NKAIN2: variants seen among roughly 807,000 people sequenced by gnomAD.
The protein encoded by NKAIN2 is sodium/potassium-transporting ATPase subunit beta-1-interacting protein 2.
NKAIN2 carries 14 observed loss-of-function variants against 32.6 expected under a neutral mutation model. The ratio of observed to expected loss-of-function variants is 0.43; its 90% CI spans 0.28 to 0.67. The LOEUF is 0.67. Ranked by LOEUF, NKAIN2 falls within the 30% of genes least tolerant of loss-of-function variation. The probability of loss-of-function intolerance (pLI) is 0.17; values close to 1 mark genes in which losing one functional copy is unlikely to be tolerated. For missense variants in NKAIN2, 198 were observed against 258.3 expected (o/e 0.77, Z 1.60); for synonymous variants, 80 against 87.2 (o/e 0.92, Z 0.46).
chr6:124,415,987 G>A (rs1159789035), intron 3 of NKAIN2, among the ~76,000 whole-genome samples: 3 of 141,784 alleles, frequency 2.1e-5, no homozygotes, highest in Non-Finnish European at 3.0e-5. Flanking sequence ...AGTCCTGCAT[G>A]TCCCTGAGCC....
intron 4 of NKAIN2, among the ~76,000 whole-genome samples, chr6:124,760,559 T>G (rs1246826166): frequency 6.6e-6 from 1 of 151,994 alleles, no homozygotes; most frequent in East Asian, 1.9e-4. Context: ...GGGAACTCAG[T>G]GTAGATAAGT....
intron 1 of NKAIN2, among the ~76,000 whole-genome samples, chr6:124,178,612 T>C (rs548016705): frequency 6.6e-6 from 1 of 152,312 alleles, no homozygotes; most frequent in South Asian, 2.1e-4. Flanking sequence ...ACATTAACTT[T>C]TAATGATCAC....
At chr6:124,614,689 A>AC (rs549664321) in intron 3 of NKAIN2, among the ~76,000 whole-genome samples, 153 of 150,872 alleles carry the variant, frequency 1.0e-3, no homozygotes, top group African/African-American at 3.4e-3. Context: ...GGTCCCAAAG[A>AC]CCCCCCCAAT....
intron 3 of NKAIN2, among the ~76,000 whole-genome samples, chr6:124,415,087 T>G (rs62436320): frequency 0.045 from 6,779 of 152,278 alleles, 254 homozygotes; most frequent in Non-Finnish European, 0.065. Context: ...AAGTAATGCA[T>G]TCTGCAGCAG....
At chr6:124,332,164 T>A (rs1797686588) in intron 2 of NKAIN2, among the ~76,000 whole-genome samples, 1 of 152,156 alleles carries the variant, frequency 6.6e-6, no homozygotes, top group African/African-American at 2.4e-5. Context: ...CAACGAAGTA[T>A]GTTCTTGAAA....
intron 1 of NKAIN2, among the ~76,000 whole-genome samples, chr6:124,006,653 T>A (rs1351576857): frequency 6.6e-6 from 1 of 152,180 alleles, no homozygotes; most frequent in Non-Finnish European, 1.5e-5. Flanking sequence ...CTTCTAGTGC[T>A]CTTGTCTACT....
chr6:124,258,418 A>C (rs910529408), intron 1 of NKAIN2, among the ~76,000 whole-genome samples: 9 of 152,208 alleles, frequency 5.9e-5, no homozygotes, highest in Non-Finnish European at 2.9e-5. Context: ...TGAACCAAAA[A>C]ACCAAAGTTA....
At chr6:123,909,733 A>T (rs1262785172) in intron 1 of NKAIN2, among the ~76,000 whole-genome samples, 1 of 152,132 alleles carries the variant, frequency 6.6e-6, no homozygotes, top group Non-Finnish European at 1.5e-5. Flanking sequence ...TATGAACAGG[A>T]CTTTTATGAT....
chr6:124,299,796 G>A lies in NKAIN2; in HGVS notation c.192+16654G>A, dbSNP rs181767088. Among the ~76,000 whole-genome samples the A allele has an allele frequency of 1.5e-3, 233 of 152,278 alleles. 1 individual carries two copies. Among genetic ancestry groups the A allele is most frequent in the Admixed American group, 2.6e-3 (40 of 15,298 alleles). ...TAATTGTTCACTGAATGTTGCCTACGAAAATGTATGGAAATGTTCAATTTA... is the reference window on the plus strand; with the variant it reads ...TAATTGTTCACTGAATGTTGCCTACAAAAATGTATGGAAATGTTCAATTTA... On this transcript the variant is annotated intron_variant, in intron 2 of 6. Coordinates refer to ENST00000368417, the MANE Select transcript of NKAIN2 (RefSeq NM_001040214.3).
chr6:124,128,127 C>A (rs185277305), intron 1 of NKAIN2, among the ~76,000 whole-genome samples: 90 of 152,232 alleles, frequency 5.9e-4, no homozygotes, highest in African/African-American at 1.9e-3. Context: ...CCGTGCCTGG[C>A]CCATGGTTGC....
At position 124,040,693 on chromosome 6, in the gene NKAIN2, A is replaced by T. The variant is rs147648958; in HGVS notation, c.54+236439A>T. 1.2e-3 allele frequency among the ~76,000 whole-genome samples: 181 copies of T among 152,020 alleles called. 4 individuals carry two copies. The East Asian group carries it at 0.034, about 28-fold the overall frequency. ...ATGATATAGGTGTTTTCAGGTAAGA[A>T]CTCTGGGACTTCCTATATATGCATG... On this transcript the variant is annotated intron_variant, in intron 1 of 6. Transcript: ENST00000368417.
intron 3 of NKAIN2, among the ~76,000 whole-genome samples, chr6:124,360,433 C>T (rs1799230727): frequency 6.6e-6 from 1 of 152,018 alleles, no homozygotes; most frequent in Non-Finnish European, 1.5e-5. Flanking sequence ...ATTGAAATGA[C>T]TTAATTTCAA....
chr6:124,327,121 A>G (rs1242372368), intron 2 of NKAIN2, among the ~76,000 whole-genome samples: 2 of 151,708 alleles, frequency 1.3e-5, no homozygotes, highest in African/African-American at 4.8e-5. Context: ...GTTTGGCCAC[A>G]CCCACCCATA....
intron 1 of NKAIN2, among the ~76,000 whole-genome samples, chr6:123,971,279 T>A (rs1778329744): frequency 6.6e-6 from 1 of 152,068 alleles, no homozygotes; most frequent in Non-Finnish European, 1.5e-5. Context: ...CTAGAAAGAA[T>A]GTAAAAGTCA....
At chr6:124,653,088 C>G (rs998432831) in intron 3 of NKAIN2, among the ~76,000 whole-genome samples, 1 of 152,078 alleles carries the variant, frequency 6.6e-6, no homozygotes, top group Admixed American at 6.6e-5. Context: ...TTAATCCCAG[C>G]TTGATCGATA....
chr6:124,064,501 C>T (rs1783070190), intron 1 of NKAIN2, among the ~76,000 whole-genome samples: 1 of 150,928 alleles, frequency 6.6e-6, no homozygotes, highest in African/African-American at 2.4e-5. Flanking sequence ...TTTCCAGAAA[C>T]ATTTTAGGCC....
At chr6:124,337,841 G>T (rs1797944640) in intron 2 of NKAIN2, among the ~76,000 whole-genome samples, 1 of 152,134 alleles carries the variant, frequency 6.6e-6, no homozygotes, top group African/African-American at 2.4e-5. Flanking sequence ...AGTCTCACAG[G>T]TAATAGTTTA....
intron 3 of NKAIN2, among the ~76,000 whole-genome samples, chr6:124,576,543 T>C (rs1318780760): frequency 6.6e-6 from 1 of 152,202 alleles, no homozygotes; most frequent in Admixed American, 6.5e-5. Flanking sequence ...CGTTTTATAT[T>C]TTATAAAGTA....
intron 1 of NKAIN2, among the ~76,000 whole-genome samples, chr6:124,280,677 A>C (rs892642583): frequency 2.6e-5 from 4 of 152,180 alleles, no homozygotes; most frequent in African/African-American, 9.6e-5. Context: ...CTGCACTCCC[A>C]GGTCCACTAT....
Sources: allele counts gnomAD v4.1 joint callset (sites outside exome capture counted in the v4.1 genomes callset), GRCh38; gene constraint gnomAD v4.1.1; transcripts MANE v1.5; gene names NCBI Gene and HGNC (gene_info 2026-07-23, HGNC 2026-07-21).